Variants in RAB38 observed in about 807,000 individuals in gnomAD.
The protein encoded by RAB38 is ras-related protein Rab-38.
In RAB38, 15 loss-of-function variants were observed where a neutral mutation model predicts 18.4. The ratio of observed to expected loss-of-function variants is 0.82; its 90% confidence interval spans 0.55 to 1.26. The LOEUF (loss-of-function observed/expected upper bound fraction) is 1.26. Among genes scored for constraint, RAB38 ranks in the 50% most tolerant of loss-of-function variants. The pLI, the probability that RAB38 is intolerant of heterozygous loss-of-function variation, is 0.00. For missense variants in RAB38, 294 were observed against 267.4 expected (o/e 1.10, Z -0.69); for synonymous variants, 101 against 104.4 (o/e 0.97, Z 0.20).
At chr11:87,960,048 AT>A in the RAB38 span, among the ~76,000 whole-genome samples, 3 of 152,200 alleles carry the variant, frequency 2.0e-5, no homozygotes, top group Admixed American at 2.0e-4. Context: ...TCTAGAGTCA[AT>A]TTGCCAAAGT....
the RAB38 span, among the ~76,000 whole-genome samples, chr11:87,938,599 C>A: frequency 8.1e-6 from 1 of 122,738 alleles, no homozygotes; most frequent in South Asian, 2.6e-4. Flanking sequence ...TTCTTTCTTT[C>A]TTCTCTGTTG....
the RAB38 span, among the ~76,000 whole-genome samples, chr11:87,826,399 A>G: frequency 1.3e-5 from 2 of 152,308 alleles, no homozygotes; most frequent in South Asian, 2.1e-4. Flanking sequence ...ATGCACACAC[A>G]TGCTGCACTT....
the RAB38 span, among the ~76,000 whole-genome samples, chr11:87,944,728 T>C: frequency 6.6e-6 from 1 of 152,134 alleles, no homozygotes; most frequent in South Asian, 2.1e-4. Context: ...TCTTTCTGGG[T>C]CCCCAGTTTC....
the RAB38 span, among the ~76,000 whole-genome samples, chr11:87,811,412 C>T: frequency 3.3e-5 from 5 of 152,206 alleles, no homozygotes; most frequent in Admixed American, 6.5e-5. Context: ...CACGCTCATG[C>T]CTATCTAACT....
At chr11:88,142,132 C>T (rs1298646053) in intron 2 of RAB38, among the ~76,000 whole-genome samples, 2 of 152,256 alleles carry the variant, frequency 1.3e-5, no homozygotes, top group Non-Finnish European at 2.9e-5. Context: ...TCTAGGGTCA[C>T]AAGGAATTCT....
At chr11:87,805,763 G>GTA in the RAB38 span, among the ~76,000 whole-genome samples, 4 of 151,826 alleles carry the variant, frequency 2.6e-5, no homozygotes, top group Non-Finnish European at 5.9e-5. Flanking sequence ...ACATATATGT[G>GTA]TGTATATATA....
chr11:88,022,277 T>C, the RAB38 span, among the ~76,000 whole-genome samples: 1 of 151,280 alleles, frequency 6.6e-6, no homozygotes, highest in Middle Eastern at 3.2e-3. Context: ...AAAAAGCATT[T>C]GAACTAATTT....
At chr11:87,947,337 C>T in the RAB38 span, among the ~76,000 whole-genome samples, 807 of 151,836 alleles carry the variant, frequency 5.3e-3, 15 homozygotes, top group African/African-American at 0.018. Flanking sequence ...ATTCTGTAGG[C>T]TGCCTGTTCA....
intron 2 of RAB38, among the ~76,000 whole-genome samples, chr11:88,117,831 T>C (rs369516552): frequency 2.0e-5 from 3 of 152,330 alleles, no homozygotes; most frequent in East Asian, 3.9e-4. Flanking sequence ...ACTTGAAACA[T>C]GAAATACTTA....
intron 1 of RAB38, chr11:88,174,171 A>G: frequency 2.4e-6 from 2 of 832,884 alleles, no homozygotes; most frequent in Non-Finnish European, 2.9e-6. Flanking sequence ...CAGCGATGCA[A>G]CTGAGCTGAA....
chr11:87,831,566 A>G, the RAB38 span, among the ~76,000 whole-genome samples: 1 of 152,190 alleles, frequency 6.6e-6, no homozygotes, highest in Non-Finnish European at 1.5e-5. Context: ...CAAAGGTAAC[A>G]GTGAGTTGTG....
chr11:88,159,754 G>T (rs1943167869), intron 1 of RAB38, among the ~76,000 whole-genome samples: 2 of 152,028 alleles, frequency 1.3e-5, no homozygotes, highest in South Asian at 2.1e-4. Context: ...AATAAGTGGT[G>T]CTGGGATAGC....
the RAB38 span, among the ~76,000 whole-genome samples, chr11:87,861,307 C>A: frequency 2.0e-5 from 3 of 151,984 alleles, no homozygotes; most frequent in East Asian, 5.8e-4. Flanking sequence ...CAATGGGTGC[C>A]AAAATGGTTT....
At chr11:87,903,457 C>T in the RAB38 span, among the ~76,000 whole-genome samples, 1 of 151,328 alleles carries the variant, frequency 6.6e-6, no homozygotes, top group Admixed American at 6.6e-5. Flanking sequence ...TTGCGTTTGA[C>T]TTATTCATGT....
At chr11:87,894,770 TA>T in the RAB38 span, among the ~76,000 whole-genome samples, 1 of 149,832 alleles carries the variant, frequency 6.7e-6, no homozygotes, top group Non-Finnish European at 1.5e-5. Context: ...ATATCATATA[TA>T]TGTACACATT....
chr11:88,131,393 TG>T (rs1451103585), intron 2 of RAB38, among the ~76,000 whole-genome samples: 2 of 152,218 alleles, frequency 1.3e-5, no homozygotes, highest in Admixed American at 6.5e-5. Context: ...AATTTTACCC[TG>T]GCTATCAATA....
the RAB38 span, among the ~76,000 whole-genome samples, chr11:87,915,674 C>T: frequency 1.3e-5 from 2 of 152,104 alleles, no homozygotes; most frequent in African/African-American, 2.4e-5. Context: ...GGACAACCAG[C>T]GGCATGCTTA....
the RAB38 span, among the ~76,000 whole-genome samples, chr11:88,008,914 C>T: frequency 3.7e-4 from 57 of 152,270 alleles, no homozygotes; most frequent in African/African-American, 1.3e-3. Flanking sequence ...CCTCGTGATC[C>T]GCCCGCCTCG....
At chr11:88,039,240 T>A in the RAB38 span, among the ~76,000 whole-genome samples, 15 of 152,212 alleles carry the variant, frequency 9.9e-5, no homozygotes, top group African/African-American at 3.4e-4. Flanking sequence ...TAGTGGCAAT[T>A]TAGAGACTGC....
Sources: allele counts gnomAD v4.1 joint callset (sites outside exome capture counted in the v4.1 genomes callset), GRCh38; gene constraint gnomAD v4.1.1; transcripts MANE v1.5; gene names NCBI Gene and HGNC (gene_info 2026-07-23, HGNC 2026-07-21).